Variants in RPH3AL observed in about 807,000 individuals in gnomAD.
RPH3AL encodes the protein rab effector Noc2.
RPH3AL carries 38 observed loss-of-function variants against 43.1 expected under a neutral mutation model. The observed-to-expected ratio is 0.88, with a 90% confidence interval of 0.68 to 1.15. RPH3AL has a LOEUF of 1.15. RPH3AL is among the 50% of genes most tolerant of loss of function. The pLI, the probability that RPH3AL is intolerant of heterozygous loss-of-function variation, is 0.00. For missense variants in RPH3AL, 462 were observed against 423.2 expected, an observed-to-expected ratio of 1.09 and a Z score of -0.81; for synonymous variants, 189 against 176.3, an observed-to-expected ratio of 1.07 and a Z score of -0.57.
intron 7 of RPH3AL, among the ~76,000 whole-genome samples, chr17:231,613 C>A (rs1301415001): frequency 6.6e-6 from 1 of 152,196 alleles, no homozygotes; most frequent in African/African-American, 2.4e-5. Context: ...AGGTGAGCGG[C>A]TGGAGATGGA....
Position 242,133 on chromosome 17 carries a change from A to G in RPH3AL, c.613+4978T>C, listed in dbSNP as rs141962365. ...CTGTCTCAATAAAAAAAAGAAAAAAATTAACAAAAAAACTTTAAAGGAGGA... is the reference window on the plus strand; with the variant it reads ...CTGTCTCAATAAAAAAAAGAAAAAAGTTAACAAAAAAACTTTAAAGGAGGA... On this transcript the variant is annotated intron_variant, in intron 7 of 9. Coordinates refer to ENST00000331302, the MANE Select transcript of RPH3AL (RefSeq NM_006987.4). Among the ~76,000 whole-genome samples the G allele has an allele frequency of 2.0e-4, 31 of 152,346 alleles. No homozygotes were observed. The East Asian group carries it at 6.0e-3, about 29-fold the overall frequency.
intron 6 of RPH3AL, among the ~76,000 whole-genome samples, chr17:260,692 T>C (rs1278758667): frequency 1.3e-5 from 2 of 151,996 alleles, no homozygotes; most frequent in Non-Finnish European, 2.9e-5. Context: ...CTCTCCCTCC[T>C]CCATTACCTG....
chr17:339,893 G>A (rs544507927), intron 1 of RPH3AL, among the ~76,000 whole-genome samples: 2 of 152,178 alleles, frequency 1.3e-5, no homozygotes, highest in Non-Finnish European at 2.9e-5. Flanking sequence ...CAGCCTGAAG[G>A]GGATTGCAGA....
At chr17:247,631 C>T in intron 6 of RPH3AL, 1 of 270,356 alleles carries the variant, frequency 3.7e-6, no homozygotes, top group Non-Finnish European at 7.0e-6. Flanking sequence ...GACTACTGTA[C>T]CTGGGTCTAC....
chr17:270,459 G>A (rs746037220), intron 6 of RPH3AL, among the ~76,000 whole-genome samples: 4 of 152,208 alleles, frequency 2.6e-5, no homozygotes, highest in Admixed American at 1.3e-4. Flanking sequence ...CTGACCTTCC[G>A]TAGGCCTGTG....
chr17:268,186 C>T (rs1341193912), intron 6 of RPH3AL, among the ~76,000 whole-genome samples: 1 of 152,178 alleles, frequency 6.6e-6, no homozygotes, highest in Admixed American at 6.5e-5. Flanking sequence ...CTCCATCACC[C>T]TTGTGACAAC....
chr17:314,678 G>C (rs1325471328), intron 5 of RPH3AL, among the ~76,000 whole-genome samples: 2 of 140,914 alleles, frequency 1.4e-5, no homozygotes, highest in South Asian at 2.2e-4. Flanking sequence ...TGTAGTCTCT[G>C]TGACTCCACC....
chr17:320,874 C>T (rs1053954010), intron 4 of RPH3AL, among the ~76,000 whole-genome samples: 10 of 152,238 alleles, frequency 6.6e-5, no homozygotes, highest in South Asian at 2.1e-4. Flanking sequence ...TAGAGCCAGG[C>T]GGGGAGCGGC....
At chr17:223,936 C>A (rs1257264317) in intron 7 of RPH3AL, among the ~76,000 whole-genome samples, 2 of 151,906 alleles carry the variant, frequency 1.3e-5, no homozygotes, top group Non-Finnish European at 2.9e-5. Context: ...AGGTTCACCC[C>A]CAGCAGAGAG....
At chr17:281,353 G>T (rs2042773627) in intron 6 of RPH3AL, among the ~76,000 whole-genome samples, 1 of 152,120 alleles carries the variant, frequency 6.6e-6, no homozygotes, top group South Asian at 2.1e-4. Flanking sequence ...GTGCAGGGAT[G>T]AAATGAATTC....
chr17:326,852 G>C (rs1598139507), intron 3 of RPH3AL, among the ~76,000 whole-genome samples: 1 of 152,164 alleles, frequency 6.6e-6, no homozygotes, highest in Non-Finnish European at 1.5e-5. Context: ...CTCCAGCCTG[G>C]GCGACAAGAA....
At chr17:330,334 T>C (rs2044721141) in intron 2 of RPH3AL, among the ~76,000 whole-genome samples, 1 of 152,194 alleles carries the variant, frequency 6.6e-6, no homozygotes, top group African/African-American at 2.4e-5. Context: ...GGAAATCCCA[T>C]GGCCGGGCCC....
At chr17:317,503 G>T (rs1361636504) in intron 5 of RPH3AL, among the ~76,000 whole-genome samples, 10 of 146,428 alleles carry the variant, frequency 6.8e-5, no homozygotes, top group Non-Finnish European at 1.5e-4. Flanking sequence ...TTGACCTGTA[G>T]TCCCTGTGCC....
rs114064224 is a variant in RPH3AL, at chr17:263,802, T to C, written c.439-16517A>G. On this transcript the variant is annotated intron_variant, in intron 6 of 9. Coordinates refer to ENST00000331302, the MANE Select transcript of RPH3AL (RefSeq NM_006987.4). ...TTAGTTTGAGAACGTCGGTATGAGT[T>C]GGTAACACACCGACACTCCCGTCCC... Among the ~76,000 whole-genome samples, 1,452 of 152,264 alleles carry C rather than the reference T, an allele frequency of 9.5e-3. 23 individuals carry two copies. The highest frequency in any genetic ancestry group is 0.033 in the African/African-American group (1,370 of 41,550).
Position 336,442 on chromosome 17 carries a change from C to A in RPH3AL, c.-212-2508G>T, listed in dbSNP as rs186502853. Among the ~76,000 whole-genome samples the A allele has an allele frequency of 5.3e-5, 8 of 152,276 alleles. No homozygotes were observed. The East Asian group carries it at 1.5e-3, about 29-fold the overall frequency. ...GAGCCCCGGGGAAACCAGTGCCTGA[C>A]AAACCTCCCTCAAACTCCACCGCCC... On this transcript the variant is annotated intron_variant, in intron 1 of 9. Coordinates refer to ENST00000331302, the MANE Select transcript of RPH3AL (RefSeq NM_006987.4).
Position 259,562 on chromosome 17 carries a change from C to T in RPH3AL, c.439-12277G>A, listed in dbSNP as rs144007742. ...CATGGGAATTAACCCCAGGCCACCC[C>T]GCAGATTGAAAATCAGTTACTTTCT... On this transcript the variant is annotated intron_variant, in intron 6 of 9. Transcript: ENST00000331302. Among the ~76,000 whole-genome samples, 154 of 152,304 alleles carry T rather than the reference C, an allele frequency of 1.0e-3. 3 individuals carry two copies. In the East Asian group the frequency reaches 0.026, roughly 25 times the overall value.
At chr17:314,441 C>CA (rs1284022870) in intron 5 of RPH3AL, among the ~76,000 whole-genome samples, 1 of 122,048 alleles carries the variant, frequency 8.2e-6, no homozygotes, top group African/African-American at 3.3e-5. Context: ...CCTCTGCCCC[C>CA]ACCTCCATTG....
chr17:267,243 C>T lies in RPH3AL; in HGVS notation c.438+14525G>A, dbSNP rs553362425. Among the ~76,000 whole-genome samples the T allele has an allele frequency of 1.5e-3, 226 of 152,348 alleles. 4 individuals are homozygous for T. Among genetic ancestry groups the T allele is most frequent in the African/African-American group, 5.1e-3 (211 of 41,592 alleles). On this transcript the variant is annotated intron_variant, in intron 6 of 9. Coordinates refer to ENST00000331302, the MANE Select transcript of RPH3AL (RefSeq NM_006987.4). ...GTGTTGTCAACATTTGACAGACTCC[C>T]CTCACTTTCAACTGGCACGCGGCAT...
At chr17:242,829 T>A (rs1555537676) in intron 7 of RPH3AL, among the ~76,000 whole-genome samples, 1 of 132,872 alleles carries the variant, frequency 7.5e-6, no homozygotes, top group Non-Finnish European at 1.6e-5. Context: ...CCTCTATTGA[T>A]TACCCTTCCT....
Sources: gnomAD v4.1 joint callset for allele counts (sites outside exome capture counted in the v4.1 genomes callset) on GRCh38, gnomAD v4.1.1 for gene constraint, MANE v1.5 for transcripts, NCBI Gene and HGNC (gene_info 2026-07-23, HGNC 2026-07-21) for gene names.